The following GALNT13 variants were observed in gnomAD, a reference collection of about 807,000 sequenced individuals.
GALNT13 encodes the protein polypeptide N-acetylgalactosaminyltransferase 13, also known as UDP-GalNAc:polypeptide N-acetylgalactosaminyltransferase 13.
Under a neutral mutation model 64.2 loss-of-function variants are expected in GALNT13, and 28 were observed. The observed-to-expected ratio is 0.44, with a 90% confidence interval of 0.32 to 0.60. GALNT13 has a LOEUF of 0.60. GALNT13 is among the 20% of genes least tolerant of loss of function. The probability of loss-of-function intolerance (pLI) is 0.05; values close to 1 mark genes in which losing one functional copy is unlikely to be tolerated. For synonymous variants in GALNT13, 214 were observed against 224.6 expected (o/e 0.95, Z 0.42); for missense variants, 577 against 669.8 (o/e 0.86, Z 1.53).
chr2:154,093,120 T>C (rs971277767), intron 3 of GALNT13, among the ~76,000 whole-genome samples: 1 of 151,962 alleles, frequency 6.6e-6, no homozygotes, highest in Non-Finnish European at 1.5e-5. Context: ...CAATAGAATC[T>C]CAATTGTAGG....
At chr2:153,139,414 G>C in the GALNT13 span, among the ~76,000 whole-genome samples, 1 of 151,932 alleles carries the variant, frequency 6.6e-6, no homozygotes, top group African/African-American at 2.4e-5. Flanking sequence ...GTGTCCAGAG[G>C]GATACAAAGT....
the GALNT13 span, among the ~76,000 whole-genome samples, chr2:153,589,139 A>T: frequency 1.3e-5 from 2 of 151,800 alleles, no homozygotes; most frequent in Admixed American, 1.3e-4. Flanking sequence ...TTGTCTCAAA[A>T]AAAAAAGAAA....
chr2:154,319,873 C>T (rs1001361936), intron 9 of GALNT13, among the ~76,000 whole-genome samples: 4 of 151,826 alleles, frequency 2.6e-5, no homozygotes, highest in African/African-American at 9.7e-5. Flanking sequence ...TTTTTATATA[C>T]AGTAATTTAA....
chr2:154,243,669 A>G (rs1262718165), intron 6 of GALNT13, among the ~76,000 whole-genome samples: 2 of 152,222 alleles, frequency 1.3e-5, no homozygotes. Flanking sequence ...AAATATTTAT[A>G]AACACTGGTG....
At chr2:154,274,379 A>T (rs1204474801) in intron 8 of GALNT13, among the ~76,000 whole-genome samples, 2 of 152,136 alleles carry the variant, frequency 1.3e-5, no homozygotes, top group Non-Finnish European at 2.9e-5. Context: ...ATGGCCTGGA[A>T]ATCTGTGTAC....
At chr2:153,827,451 G>T in the GALNT13 span, among the ~76,000 whole-genome samples, 4 of 151,960 alleles carry the variant, frequency 2.6e-5, no homozygotes, top group African/African-American at 4.8e-5. Flanking sequence ...GTGAAATGCT[G>T]TCTCTACTAC....
chr2:153,189,701 A>G, the GALNT13 span, among the ~76,000 whole-genome samples: 1 of 152,120 alleles, frequency 6.6e-6, no homozygotes, highest in Non-Finnish European at 1.5e-5. Context: ...GGCTGTACTA[A>G]TTTACATTTC....
chr2:154,266,718 T>C (rs1321449453), intron 8 of GALNT13, among the ~76,000 whole-genome samples: 1 of 151,902 alleles, frequency 6.6e-6, no homozygotes, highest in Non-Finnish European at 1.5e-5. Flanking sequence ...AGCAAGTGTA[T>C]TGTATTTACT....
At chr2:154,126,559 C>G (rs1343542839) in intron 3 of GALNT13, among the ~76,000 whole-genome samples, 1 of 150,148 alleles carries the variant, frequency 6.7e-6, no homozygotes, top group Non-Finnish European at 1.5e-5. Flanking sequence ...GGCGTGAACC[C>G]GGGAGGCGGA....
chr2:154,002,912 T>C (rs1696005200), intron 3 of GALNT13, among the ~76,000 whole-genome samples: 1 of 152,216 alleles, frequency 6.6e-6, no homozygotes, highest in Non-Finnish European at 1.5e-5. Context: ...GCCCTTCTGC[T>C]GTTTCCCATG....
chr2:153,358,594 G>A, the GALNT13 span, among the ~76,000 whole-genome samples: 2 of 151,960 alleles, frequency 1.3e-5, no homozygotes, highest in African/African-American at 4.8e-5. Context: ...TTTTTCCTGA[G>A]GTAGGTCCTA....
At chr2:154,413,025 A>G (rs1367453620) in intron 11 of GALNT13, among the ~76,000 whole-genome samples, 1 of 151,964 alleles carries the variant, frequency 6.6e-6, no homozygotes, top group Non-Finnish European at 1.5e-5. Context: ...GAAATAAAGT[A>G]TAGCAGTTGT....
At chr2:154,028,294 G>A (rs890007292) in intron 3 of GALNT13, among the ~76,000 whole-genome samples, 11 of 151,928 alleles carry the variant, frequency 7.2e-5, no homozygotes, top group African/African-American at 2.7e-4. Flanking sequence ...AAATAAATTT[G>A]GTTATCCTGA....
chr2:153,608,128 C>T, the GALNT13 span, among the ~76,000 whole-genome samples: 1 of 151,914 alleles, frequency 6.6e-6, no homozygotes, highest in South Asian at 2.1e-4. Context: ...CTCTGAAAGC[C>T]TTCCAGATTG....
At chr2:154,087,503 C>A (rs1701589647) in intron 3 of GALNT13, among the ~76,000 whole-genome samples, 2 of 152,014 alleles carry the variant, frequency 1.3e-5, no homozygotes, top group Admixed American at 1.3e-4. Context: ...CCATTATACA[C>A]TTACTTGACT....
chr2:153,848,403 C>T, the GALNT13 span, among the ~76,000 whole-genome samples: 1 of 152,148 alleles, frequency 6.6e-6, no homozygotes, highest in Non-Finnish European at 1.5e-5. Context: ...GGCTGAAAAT[C>T]AGTCTCTAAG....
rs138834804 is a variant in GALNT13, at chr2:154,274,429, A to G, written c.975+15291A>G. On this transcript the variant is annotated intron_variant, in intron 8 of 12. Transcript: ENST00000392825. ...GTTCTCTGCTGCTGTGATCCTTGAT[A>G]TAGTTTGGCTGTGTCCCCACCCAAA... Among the ~76,000 whole-genome samples the G allele has an allele frequency of 2.9e-3, 441 of 152,266 alleles. 4 individuals are homozygous for G. The highest frequency in any genetic ancestry group is 0.011 in the African/African-American group (437 of 41,562).
At chr2:153,766,342 C>G in the GALNT13 span, among the ~76,000 whole-genome samples, 1 of 152,176 alleles carries the variant, frequency 6.6e-6, no homozygotes, top group Non-Finnish European at 1.5e-5. Context: ...ATGGCAATCT[C>G]TTCTTTTGGT....
the GALNT13 span, among the ~76,000 whole-genome samples, chr2:153,262,580 C>T: frequency 6.6e-6 from 1 of 152,152 alleles, no homozygotes; most frequent in African/African-American, 2.4e-5. Context: ...TCTAGCAGTA[C>T]ATCAAAAAGC....
Sources: allele counts gnomAD v4.1 joint callset (sites outside exome capture counted in the v4.1 genomes callset), GRCh38; gene constraint gnomAD v4.1.1; transcripts MANE v1.5; gene names NCBI Gene and HGNC (gene_info 2026-07-23, HGNC 2026-07-21).